Variants in LRRFIP1 observed in about 807,000 individuals in gnomAD.
LRRFIP1 encodes LRR binding FLII interacting protein 1, also known as leucine-rich repeat flightless-interacting protein 1.
A neutral mutation model predicts 104.4 loss-of-function variants in LRRFIP1; 62 were observed. The observed-to-expected ratio is 0.59, with a 90% confidence interval of 0.48 to 0.73. LRRFIP1 has a LOEUF of 0.73. LRRFIP1 is among the 30% of genes least tolerant of loss of function. The probability of loss-of-function intolerance (pLI) is 0.00; values close to 1 mark genes in which losing one functional copy is unlikely to be tolerated. For synonymous variants in LRRFIP1, 300 were observed against 299.0 expected (o/e 1.00, Z -0.03); for missense variants, 796 against 824.5 (o/e 0.97, Z 0.42).
intron 6 of LRRFIP1, among the ~76,000 whole-genome samples, chr2:237,723,250 T>C (rs987075078): frequency 6.6e-6 from 1 of 152,238 alleles, no homozygotes; most frequent in Non-Finnish European, 1.5e-5. Context: ...TTTGCCCTTT[T>C]GTAACTAAAA....
At chr2:237,674,626 C>T (rs1199257789) in intron 1 of LRRFIP1, among the ~76,000 whole-genome samples, 4 of 152,244 alleles carry the variant, frequency 2.6e-5, no homozygotes, top group African/African-American at 9.6e-5. Flanking sequence ...AACCTTGGGT[C>T]CAAGAATTCC....
chr2:237,643,747 A>AATGAATGG (rs1397911494), intron 1 of LRRFIP1, among the ~76,000 whole-genome samples: 36 of 152,228 alleles, frequency 2.4e-4, no homozygotes, highest in African/African-American at 7.7e-4. Flanking sequence ...TGAATGAATG[A>AATGAATGG]ATGAATGAAT....
chr2:237,635,106 T>G (rs1198523544), intron 1 of LRRFIP1, among the ~76,000 whole-genome samples: 1 of 152,242 alleles, frequency 6.6e-6, no homozygotes, highest in East Asian at 1.9e-4. Flanking sequence ...CTGTCTTATT[T>G]TGCTGGAACA....
At chr2:237,725,855 A>G (rs1283008877) in intron 7 of LRRFIP1, among the ~76,000 whole-genome samples, 1 of 152,262 alleles carries the variant, frequency 6.6e-6, no homozygotes, top group Non-Finnish European at 1.5e-5. Flanking sequence ...TGCAAAGGAC[A>G]GGGTTCCGCC....
chr2:237,651,774 T>C (rs2085978123), intron 1 of LRRFIP1, among the ~76,000 whole-genome samples: 1 of 152,274 alleles, frequency 6.6e-6, no homozygotes, highest in Non-Finnish European at 1.5e-5. Context: ...ATATATTTTA[T>C]GTAAATTGAT....
At chr2:237,696,661 C>G (rs952413093) in intron 1 of LRRFIP1, among the ~76,000 whole-genome samples, 1 of 152,202 alleles carries the variant, frequency 6.6e-6, no homozygotes, top group Non-Finnish European at 1.5e-5. Context: ...CAAGCCCTCA[C>G]AGCTAGTCAG....
chr2:237,763,514 G>A lies in LRRFIP1; in HGVS notation c.1459+3309G>A, dbSNP rs542679872. On this transcript the variant is annotated intron_variant, in intron 19 of 23. Coordinates refer to ENST00000308482, the MANE Select transcript of LRRFIP1 (RefSeq NM_001137550.2). ...AAAAGAGTTAACGTATCAGAACACA[G>A]ATTTAAGTGAAATTAAGGAAGAAGA... 69 of 1,613,638 alleles carry A rather than the reference G, an allele frequency of 4.3e-5. No homozygotes were observed. In the South Asian group the frequency reaches 7.6e-4, roughly 18 times the overall value.
At chr2:237,670,658 C>T (rs2090191963) in intron 1 of LRRFIP1, among the ~76,000 whole-genome samples, 1 of 152,220 alleles carries the variant, frequency 6.6e-6, no homozygotes, top group Non-Finnish European at 1.5e-5. Flanking sequence ...CGGTGGCAGT[C>T]TAAGGAATGT....
chr2:237,750,326 C>CTTTTTTTT (rs928510240), intron 13 of LRRFIP1, among the ~76,000 whole-genome samples: 217 of 60,534 alleles, frequency 3.6e-3, no homozygotes, highest in Non-Finnish European at 4.7e-3. Context: ...TTCTTTCTTT[C>CTTTTTTTT]TTTTTTTTTT....
Position 237,711,577 on chromosome 2 carries a change from C to T in LRRFIP1, c.184-2682C>T, listed in dbSNP as rs572949714. Among the ~76,000 whole-genome samples, 27 of 152,346 alleles carry T rather than the reference C, an allele frequency of 1.8e-4. No individual in the cohort carries two copies. The highest frequency in any genetic ancestry group is 4.6e-4 in the African/African-American group (19 of 41,588). ...ACCGATGCCTGCACTTCTTCCCTCACGACCGTGGCTTGCGGCTGTGACACA... is the reference window on the plus strand; with the variant it reads ...ACCGATGCCTGCACTTCTTCCCTCATGACCGTGGCTTGCGGCTGTGACACA... On this transcript the variant is annotated intron_variant, in intron 2 of 23. Coordinates refer to ENST00000308482, the MANE Select transcript of LRRFIP1 (RefSeq NM_001137550.2). This position sits in a 1 kb window ranked among gnomAD's most constrained non-coding sequence, Gnocchi z 4.4.
chr2:237,633,342 A>G (rs2082658830), intron 1 of LRRFIP1, among the ~76,000 whole-genome samples: 1 of 152,090 alleles, frequency 6.6e-6, no homozygotes, highest in Non-Finnish European at 1.5e-5. Flanking sequence ...TTCCCAAAAG[A>G]TGCTTCTGGG....
chr2:237,627,784 G>A (rs535584704), intron 1 of LRRFIP1, 44 bp downstream of exon 1: 3 of 1,151,742 alleles, frequency 2.6e-6, no homozygotes, highest in Admixed American at 4.5e-5. Flanking sequence ...GGGCGGGCGC[G>A]GGGGCCGGAC....
At chr2:237,761,955 T>G (rs2059920435) in intron 19 of LRRFIP1, among the ~76,000 whole-genome samples, 1 of 152,208 alleles carries the variant, frequency 6.6e-6, no homozygotes, top group African/African-American at 2.4e-5. Context: ...CTGCTGGTCC[T>G]CTCTCCCTAG....
At chr2:237,708,852 C>CT in intron 2 of LRRFIP1, 1 of 674,688 alleles carries the variant, frequency 1.5e-6, no homozygotes, top group East Asian at 2.9e-5. Flanking sequence ...CTGAGAGGGG[C>CT]TTAGAAGCCT....
chr2:237,773,259 C>T (rs72985194), intron 22 of LRRFIP1, among the ~76,000 whole-genome samples: 20,617 of 152,116 alleles, frequency 0.14, 1,806 homozygotes, highest in East Asian at 0.34. Flanking sequence ...GTTAATTGGC[C>T]GAGCGCAGTG....
chr2:237,749,453 C>T (rs2058304792), intron 13 of LRRFIP1, 129 bp downstream of exon 13: 18 of 1,101,248 alleles, frequency 1.6e-5, no homozygotes, highest in Non-Finnish European at 2.3e-5. Flanking sequence ...CCTCACCTCC[C>T]CTAAAATACG....
At chr2:237,721,931 A>AC (rs1223449134) in intron 6 of LRRFIP1, 1 of 152,246 alleles carries the variant, frequency 6.6e-6, no homozygotes, top group Non-Finnish European at 1.5e-5. Context: ...TTACCTCGGG[A>AC]CCGTCTGACC....
At chr2:237,686,227 G>A (rs540819431) in intron 1 of LRRFIP1, among the ~76,000 whole-genome samples, 2 of 152,236 alleles carry the variant, frequency 1.3e-5, no homozygotes, top group East Asian at 1.9e-4. Context: ...TTCAAATTCA[G>A]TTCAATCAAT....
rs760758673 is a variant in LRRFIP1 at position 237,733,802 on chromosome 2, C to G, written c.473C>G (p.Pro158Arg). Residue 158 changes from proline to arginine, a missense_variant, in exon 9 of 24, where the codon CCT becomes CGT. Coordinates refer to ENST00000308482, the MANE Select transcript of LRRFIP1 (RefSeq NM_001137550.2). ...TCCTGTCTGTACAGCGCTGCCCGGC[C>G]TTCGGGGAGTTACCGGGTGCGTGTG... is the stretch of plus-strand genomic sequence containing the variant. Reference protein sequence around the residue: ...RPSCLYSAARPSGSYRASVLD... With the variant: ...RPSCLYSAARRSGSYRASVLD... 1.7e-5 allele frequency: 28 copies of G among 1,613,936 alleles called. No individual in the cohort carries two copies. The highest frequency in any genetic ancestry group is 2.4e-5 in the Non-Finnish European group (28 of 1,179,898).
Sources: gnomAD v4.1 joint callset for allele counts (sites outside exome capture counted in the v4.1 genomes callset) on GRCh38, gnomAD v4.1.1 for gene constraint, Gnocchi (gnomAD v3.1) non-coding constraint, MANE v1.5 for transcripts, NCBI Gene and HGNC (gene_info 2026-07-23, HGNC 2026-07-21) for gene names.